MAP7D2: variants seen among roughly 807,000 people sequenced by gnomAD.
The protein encoded by MAP7D2 is MAP7 domain-containing protein 2.
MAP7D2 carries 33 observed loss-of-function variants against 63.5 expected under a neutral mutation model. The observed-to-expected ratio is 0.52, with a 90% CI of 0.39 to 0.70. The LOEUF (loss-of-function observed/expected upper bound fraction) is 0.70. Among genes scored for constraint, MAP7D2 ranks in the 30% least tolerant of loss-of-function variants. The probability of loss-of-function intolerance (pLI) is 0.00; values close to 1 mark genes in which losing one functional copy is unlikely to be tolerated. For synonymous variants in MAP7D2, 224 were observed against 223.7 expected (o/e 1.00, Z -0.01); for missense variants, 626 against 604.0 (o/e 1.04, Z -0.38).
chrX:20,013,508 T>TA (rs2073273179), intron 13 of MAP7D2, 61 bp downstream of exon 13: 2 of 961,256 alleles, frequency 2.1e-6, no homozygotes, highest in South Asian at 4.5e-5. Context: ...TCACTGAGTG[T>TA]ATTCTGCTGT....
At chrX:20,036,335 C>G (rs1177578464) in intron 8 of MAP7D2, among the ~76,000 whole-genome samples, 1 of 109,695 alleles carries the variant, frequency 9.1e-6, no homozygotes, top group South Asian at 4.1e-4. Context: ...CTCCGCCTCC[C>G]GGGTTCAAGC....
intron 1 of MAP7D2, among the ~76,000 whole-genome samples, chrX:20,115,975 G>C (rs1382712270): frequency 2.7e-5 from 3 of 112,807 alleles, no homozygotes; most frequent in Non-Finnish European, 5.6e-5. Flanking sequence ...TTTACAGAAC[G>C]TTAGCATCAG....
chrX:20,040,130 T>C (rs1278879988), intron 8 of MAP7D2, among the ~76,000 whole-genome samples: 2 of 110,955 alleles, frequency 1.8e-5, no homozygotes, highest in Non-Finnish European at 3.8e-5. Flanking sequence ...TTCTTCAGCT[T>C]TTGGACTCTT....
chrX:20,097,075 T>C (rs749925699), intron 1 of MAP7D2, among the ~76,000 whole-genome samples: 94 of 111,605 alleles, frequency 8.4e-4, no homozygotes, highest in Non-Finnish European at 1.5e-3. Flanking sequence ...AGACCGGCAC[T>C]GTCCCATGGA....
At chrX:20,090,871 CTGAGG>C (rs1190183710) in intron 1 of MAP7D2, among the ~76,000 whole-genome samples, 2 of 110,694 alleles carry the variant, frequency 1.8e-5, no homozygotes, top group Non-Finnish European at 3.8e-5. Context: ...ACTCAGAAGG[CTGAGG>C]TGGGACTGCT....
chrX:20,038,532 G>A (rs1340943491), intron 8 of MAP7D2, among the ~76,000 whole-genome samples: 3 of 111,662 alleles, frequency 2.7e-5, no homozygotes, highest in Non-Finnish European at 5.6e-5. Flanking sequence ...CTGAATCAAC[G>A]TCCTATACAT....
intron 8 of MAP7D2, among the ~76,000 whole-genome samples, chrX:20,034,761 A>G (rs1231487114): frequency 8.9e-6 from 1 of 111,856 alleles, no homozygotes; most frequent in African/African-American, 3.3e-5. Context: ...TGAGAAATAC[A>G]TCTCTGTTGT....
chrX:20,046,291 T>G (rs2064797116), intron 6 of MAP7D2, among the ~76,000 whole-genome samples: 1 of 112,268 alleles, frequency 8.9e-6, no homozygotes, highest in Non-Finnish European at 1.9e-5. Context: ...CAGGGCTTGT[T>G]CTCTGATGGG....
At chrX:20,113,042 TGGCTAG>T (rs2066790135) in intron 1 of MAP7D2, among the ~76,000 whole-genome samples, 1 of 111,867 alleles carries the variant, frequency 8.9e-6, no homozygotes, top group Non-Finnish European at 1.9e-5. Flanking sequence ...TATGTCACCA[TGGCTAG>T]GATATGAGAA....
chrX:20,089,483 C>G (rs891890757), intron 1 of MAP7D2, among the ~76,000 whole-genome samples: 2 of 112,405 alleles, frequency 1.8e-5, no homozygotes, highest in African/African-American at 6.5e-5. Context: ...TTCTCAATAG[C>G]TCAGCCTCAA....
At chrX:20,088,468 G>GTTTTT (rs779366726) in intron 1 of MAP7D2, among the ~76,000 whole-genome samples, 3 of 41,059 alleles carry the variant, frequency 7.3e-5, no homozygotes, top group Non-Finnish European at 1.1e-4. Flanking sequence ...CTAATTTTCA[G>GTTTTT]TTTTTTTTTT....
chrX:20,035,881 C>A (rs1014260418), intron 8 of MAP7D2, among the ~76,000 whole-genome samples: 7 of 109,647 alleles, frequency 6.4e-5, no homozygotes, highest in Non-Finnish European at 7.6e-5. Context: ...CCGTTGCACT[C>A]CAGCCTGGGC....
chrX:20,116,184 C>T (rs2066887103), intron 1 of MAP7D2, among the ~76,000 whole-genome samples: 1 of 113,077 alleles, frequency 8.8e-6, no homozygotes, highest in Admixed American at 9.2e-5. Context: ...GGGAGCGCAT[C>T]CGGGCGGGAG....
intron 1 of MAP7D2, among the ~76,000 whole-genome samples, chrX:20,106,241 C>T (rs1472187807): frequency 4.5e-5 from 5 of 112,112 alleles, no homozygotes; most frequent in African/African-American, 1.6e-4. Flanking sequence ...CCCCTTTCCA[C>T]AGTCTATCAG....
chrX:20,037,435 G>A (rs947289024), intron 8 of MAP7D2, among the ~76,000 whole-genome samples: 2 of 111,624 alleles, frequency 1.8e-5, no homozygotes, highest in African/African-American at 3.3e-5. Flanking sequence ...GGTGGTGGGC[G>A]GTTCCCTATG....
At chrX:20,072,619 A>C (rs1439143144) in intron 1 of MAP7D2, among the ~76,000 whole-genome samples, 2 of 111,367 alleles carry the variant, frequency 1.8e-5, no homozygotes, top group Non-Finnish European at 3.8e-5. Flanking sequence ...GGAGGATCCC[A>C]CCCACGTTGA....
intron 1 of MAP7D2, among the ~76,000 whole-genome samples, chrX:20,094,432 T>C (rs1480038174): frequency 1.1e-5 from 1 of 89,530 alleles, no homozygotes; most frequent in South Asian, 6.3e-4. Flanking sequence ...GGGCAGAGGA[T>C]TGTTGCTAAA....
chrX:20,100,525 G>C, intron 1 of MAP7D2, among the ~76,000 whole-genome samples: 1 of 105,537 alleles, frequency 9.5e-6, no homozygotes, highest in Non-Finnish European at 1.9e-5. Flanking sequence ...GAGATGGGGA[G>C]ATTATCCAGG....
chrX:20,070,211 T>A (rs1038097905), intron 1 of MAP7D2, among the ~76,000 whole-genome samples: 12 of 111,447 alleles, frequency 1.1e-4, no homozygotes, highest in African/African-American at 3.9e-4. Context: ...CCTCCCAAAG[T>A]GCTGGGATTA....
Sources: allele counts gnomAD v4.1 joint callset (sites outside exome capture counted in the v4.1 genomes callset), GRCh38; gene constraint gnomAD v4.1.1; transcripts MANE v1.5; gene names NCBI Gene and HGNC (gene_info 2026-07-23, HGNC 2026-07-21).